BAIAP2: variants seen among roughly 807,000 people sequenced by gnomAD.
BAIAP2 encodes BAR/IMD domain-containing adapter protein 2.
A neutral mutation model predicts 63.0 loss-of-function variants in BAIAP2; 18 were observed. That is an observed-to-expected ratio of 0.29 (90% CI 0.20 to 0.42). The LOEUF is 0.42. Ranked by LOEUF, BAIAP2 falls within the 10% of genes least tolerant of loss-of-function variation. The pLI is 1.00. For synonymous variants in BAIAP2, 386 were observed against 307.6 expected (o/e 1.25, Z -2.67); for missense variants, 610 against 734.3 (o/e 0.83, Z 1.96).
chr17:81,054,690 C>T (rs935853243), intron 2 of BAIAP2, among the ~76,000 whole-genome samples: 16 of 152,244 alleles, frequency 1.1e-4, no homozygotes, highest in Admixed American at 3.3e-4. Context: ...CACAAAGAGC[C>T]GGGACAGAGG....
At chr17:81,077,621 TAA>T (rs1568124928) in intron 3 of BAIAP2, among the ~76,000 whole-genome samples, 1 of 151,922 alleles carries the variant, frequency 6.6e-6, no homozygotes, top group East Asian at 1.9e-4. Context: ...TTCTCAATTT[TAA>T]AAAAAGAGCC....
At position 81,075,436 on chromosome 17, in the gene BAIAP2, C is replaced by T. The variant is rs1478155727; in HGVS notation, c.218-9396C>T. On this transcript the variant is annotated intron_variant, in intron 3 of 13. Transcript: ENST00000428708. ...AAGCGATCGGAAGGAGCTCGGCCGT[C>T]GCCTCAAGTGGGCCGCCTTCCGGTG... Among the ~76,000 whole-genome samples, 5 of 152,224 alleles carry T rather than the reference C, an allele frequency of 3.3e-5. No individual in the cohort carries two copies. In the East Asian group the frequency reaches 5.8e-4, roughly 18 times the overall value.
intron 12 of BAIAP2, 127 bp from the exon 13 acceptor site, chr17:81,108,348 C>A: frequency 9.5e-7 from 1 of 1,048,560 alleles, no homozygotes; most frequent in Non-Finnish European, 1.4e-6. Flanking sequence ...GATGGGGAGC[C>A]TTCCAAAGGA....
At chr17:81,109,096 G>A in intron 13 of BAIAP2, 1 of 1,480,574 alleles carries the variant, frequency 6.8e-7, no homozygotes, top group Non-Finnish European at 9.0e-7. Flanking sequence ...TTTGTTCTTG[G>A]GTTGTTTTTC....
rs1457312186 is a variant in BAIAP2, at chr17:81,116,436, T to C, written c.*597T>C. 2 of 1,225,478 alleles carry C rather than the reference T, an allele frequency of 1.6e-6. No homozygotes were observed. The highest frequency in any genetic ancestry group is 1.5e-5 in the African/African-American group (1 of 65,854). 75.9% of individuals were successfully genotyped at this position (1,225,478 alleles called of 1,614,324 possible). On this transcript the variant is annotated 3_prime_UTR_variant, in exon 14 of 14. Transcript: ENST00000428708. Reference sequence around the variant, plus strand: ...TCCCACTGGCAATGTCACAAGGGCCTCCCCAGGCCCCTCCTGCCTCGGGCA... The same window carrying C: ...TCCCACTGGCAATGTCACAAGGGCCCCCCCAGGCCCCTCCTGCCTCGGGCA...
intron 13 of BAIAP2, chr17:81,109,391 A>G (rs1485324435): frequency 1.6e-4 from 152 of 974,878 alleles, no homozygotes; most frequent in South Asian, 2.0e-4. Context: ...AAAAAAAAAA[A>G]AAAAGAAAAA....
chr17:81,095,489 CTGTA>C (rs993982510), intron 6 of BAIAP2, among the ~76,000 whole-genome samples: 3 of 152,182 alleles, frequency 2.0e-5, no homozygotes, highest in African/African-American at 4.8e-5. Flanking sequence ...CGTGGCCTCT[CTGTA>C]TGAGGAGTCA....
At chr17:81,113,617 G>A (rs891314240) in intron 13 of BAIAP2, among the ~76,000 whole-genome samples, 6 of 141,082 alleles carry the variant, frequency 4.3e-5, no homozygotes, top group African/African-American at 1.6e-4. Context: ...CCCCATCCCC[G>A]CCGACCCCCC....
Position 81,079,767 on chromosome 17 carries a change from A to T in BAIAP2, c.218-5065A>T, listed in dbSNP as rs545798865. On this transcript the variant is annotated intron_variant, in intron 3 of 13. Coordinates refer to ENST00000428708, the MANE Select transcript of BAIAP2 (RefSeq NM_001144888.2). ...GCCCTGGCCCGCTGGCACTCAGCTT[A>T]CATTTGAACCTCGTCTTTAGAGTTA... Among the ~76,000 whole-genome samples the T allele has an allele frequency of 8.5e-5, 13 of 152,238 alleles. No individual in the cohort carries two copies. In the East Asian group the frequency reaches 2.3e-3, roughly 27 times the overall value.
At chr17:81,058,639 C>T (rs1451169664) in intron 3 of BAIAP2, among the ~76,000 whole-genome samples, 3 of 152,206 alleles carry the variant, frequency 2.0e-5, no homozygotes, top group East Asian at 1.9e-4. Context: ...GCTCCCAGAG[C>T]GAGCTGTGGC....
At chr17:81,115,281 G>C (rs755900869) in intron 13 of BAIAP2, among the ~76,000 whole-genome samples, 4 of 152,230 alleles carry the variant, frequency 2.6e-5, no homozygotes, top group Non-Finnish European at 5.9e-5. Context: ...GGAGCCGTGA[G>C]CCTAACCTGC....
intron 1 of BAIAP2, among the ~76,000 whole-genome samples, 159 bp downstream of exon 1, chr17:81,035,467 G>T (rs898197660): frequency 6.7e-6 from 1 of 148,474 alleles, no homozygotes; most frequent in Non-Finnish European, 1.5e-5. Flanking sequence ...CGGGACCCGG[G>T]CTGCTGGGGT....
rs569951829 is a variant in BAIAP2, at chr17:81,064,319, C to T, written c.217+6352C>T. Among the ~76,000 whole-genome samples the T allele has an allele frequency of 1.3e-3, 196 of 152,160 alleles. 2 individuals carry two copies. The highest frequency in any genetic ancestry group is 6.8e-3 in the Middle Eastern group (2 of 292). On this transcript the variant is annotated intron_variant, in intron 3 of 13. Coordinates refer to ENST00000428708, the MANE Select transcript of BAIAP2 (RefSeq NM_001144888.2). The stretch of plus-strand genomic sequence containing the variant: ...GTGGCCTCGGGCTATGTAGCCCTCA[C>T]GGGGAGGTCCTGTCTTCAGCCCCGT...
intron 13 of BAIAP2, among the ~76,000 whole-genome samples, chr17:81,114,967 C>T (rs1485634631): frequency 6.6e-6 from 1 of 152,238 alleles, no homozygotes; most frequent in Non-Finnish European, 1.5e-5. Flanking sequence ...GTCCACGTGC[C>T]ATCTGTGCTG....
Position 81,115,835 on chromosome 17 carries a change from G to T in BAIAP2, c.1601G>T (p.Ser534Ile). ...AACGACAGGTCTGCCCCCCTCCTCA[G>T]CTGATGGCCACATCTGCAGTGCTGC... Reference protein sequence around the residue: ...VTNDRSAPLLS With the variant: ...VTNDRSAPLLI The change falls in exon 14 of 14, where the codon AGC (serine) becomes ATC (isoleucine). Residue 534 changes from serine to isoleucine, a missense_variant. Ser to Ile is a moderately radical substitution (Grantham distance 142). Coordinates refer to ENST00000428708, the MANE Select transcript of BAIAP2 (RefSeq NM_001144888.2). 1 of 1,613,368 alleles carries T rather than the reference G, an allele frequency of 6.2e-7. No homozygotes were observed. The highest frequency in any genetic ancestry group is 8.5e-7 in the Non-Finnish European group (1 of 1,180,012).
At chr17:81,055,111 C>T (rs908845767) in intron 2 of BAIAP2, among the ~76,000 whole-genome samples, 1 of 152,230 alleles carries the variant, frequency 6.6e-6, no homozygotes, top group Admixed American at 6.5e-5. Flanking sequence ...TTGCGGCACC[C>T]ATGGGTTGGG....
rs771187979 is a variant in BAIAP2, at chr17:81,104,565, G to T, written c.1118G>T (p.Arg373Leu). The T allele has an allele frequency of 4.3e-6, 7 of 1,611,494 alleles. No homozygotes were observed. The highest frequency in any genetic ancestry group is 2.2e-5 in the South Asian group (2 of 91,026). ...RSSSMAAGLE[R>L]NGRMRVKAIF... is the part of the protein sequence containing the mutation. ...AGCTCCATGGCAGCCGGCCTGGAGC[G>T]CAATGGCCGTATGCGGGTGAAGGCC... Residue 373 changes from arginine (R) to leucine (L), a missense_variant, in exon 10 of 14, where the codon CGC becomes CTC. By Grantham distance (102) the Arg-to-Leu change is moderately radical (BLOSUM62 -2). Around this residue, in one of 5 missense-constraint regions of BAIAP2, gnomAD observed 67 missense variants for 132.0 expected, o/e 0.51. Coordinates refer to ENST00000428708, the MANE Select transcript of BAIAP2 (RefSeq NM_001144888.2).
intron 1 of BAIAP2, among the ~76,000 whole-genome samples, chr17:81,038,291 GT>G (rs2046575884): frequency 2.6e-5 from 4 of 152,194 alleles, no homozygotes; most frequent in Admixed American, 2.6e-4. Flanking sequence ...GGCTGGCTGT[GT>G]CTCCTGGAAT....
In BAIAP2 at chr17:81,085,492, C is replaced by T. The variant is rs756091752; in HGVS notation, c.280-162C>T. The T allele has an allele frequency of 1.6e-5, 11 of 706,990 alleles. No homozygotes were observed. In the East Asian group the frequency reaches 1.6e-4, roughly 10 times the overall value. 43.8% of individuals were successfully genotyped at this position (706,990 alleles called of 1,614,324 possible). A position where few individuals can be genotyped will look rare whatever the true frequency, so the allele number is the denominator to read the frequency against. ...CGCTCCTGGCTCCAGAGGGTGCACA[C>T]GGGCATGCGGGGCCACAGCTCATCA... is the stretch of plus-strand genomic sequence containing the variant. On this transcript the variant is annotated intron_variant, in intron 4 of 13. Coordinates refer to ENST00000428708, the MANE Select transcript of BAIAP2 (RefSeq NM_001144888.2).
Sources: allele counts gnomAD v4.1 joint callset (sites outside exome capture counted in the v4.1 genomes callset), GRCh38; gene constraint gnomAD v4.1.1; regional missense constraint gnomAD v4.1.1; transcripts MANE v1.5; gene names NCBI Gene and HGNC (gene_info 2026-07-23, HGNC 2026-07-21).